The following EPS8L3 variants were observed in gnomAD, a reference collection of about 807,000 sequenced individuals.
The protein encoded by EPS8L3 is epidermal growth factor receptor kinase substrate 8-like protein 3.
Under a neutral mutation model 88.5 loss-of-function variants are expected in EPS8L3, and 80 were observed. The observed-to-expected ratio is 0.90, with a 90% CI of 0.75 to 1.09. EPS8L3 has a LOEUF of 1.09. Ranked by LOEUF, EPS8L3 falls within the 50% of genes least tolerant of loss-of-function variation. The probability of loss-of-function intolerance (pLI) is 0.00; values close to 1 mark genes in which losing one functional copy is unlikely to be tolerated. For synonymous variants in EPS8L3, 286 were observed against 291.0 expected (o/e 0.98, Z 0.18); for missense variants, 721 against 735.2 (o/e 0.98, Z 0.22).
chr1:109,756,853 G>A (rs918813208), intron 12 of EPS8L3, among the ~76,000 whole-genome samples, 164 bp downstream of exon 12: 1 of 152,112 alleles, frequency 6.6e-6, no homozygotes, highest in African/African-American at 2.4e-5. Flanking sequence ...ATAAACTGTT[G>A]GCACTTAGAC....
At chr1:109,761,200 A>C (rs553565390) in intron 3 of EPS8L3, 5 of 343,748 alleles carry the variant, frequency 1.5e-5, no homozygotes, top group African/African-American at 1.0e-4. Flanking sequence ...GGGTGGTTGT[A>C]GGTGCTTCTT....
At position 109,759,958 on chromosome 1, in the gene EPS8L3, G is replaced by A. The variant is rs1650737541; in HGVS notation, c.97-122C>T. 4 of 1,087,266 alleles carry A rather than the reference G, an allele frequency of 3.7e-6. No homozygotes were observed. The South Asian group carries it at 6.3e-5, about 17-fold the overall frequency. The allele number at this position is 1,087,266 out of a possible 1,614,324, so 67.4% of individuals were successfully genotyped here. On this transcript the variant is annotated intron_variant, in intron 3 of 18. Coordinates refer to ENST00000361965, the MANE Select transcript of EPS8L3 (RefSeq NM_133181.4). The surrounding 1 kb of genome is among the most constrained non-coding windows in gnomAD (Gnocchi z 4.2). ...GTCCTCGGCCCCCTTGAGGTAGGAG[G>A]TTCCAGGCTTCAGATAAAGCAACTT...
intron 12 of EPS8L3, among the ~76,000 whole-genome samples, chr1:109,755,798 G>A (rs768899295): frequency 2.6e-5 from 4 of 152,216 alleles, no homozygotes; most frequent in Non-Finnish European, 5.9e-5. Context: ...TCCAGACTGA[G>A]TGACAGAGCG....
intron 3 of EPS8L3, chr1:109,761,129 G>T: frequency 4.6e-6 from 1 of 217,638 alleles, no homozygotes; most frequent in Non-Finnish European, 9.4e-6. Context: ...CTTGGGCAAT[G>T]GAGCAGTGCC....
chr1:109,754,160 C>T (rs1650063843), intron 12 of EPS8L3, among the ~76,000 whole-genome samples: 1 of 152,168 alleles, frequency 6.6e-6, no homozygotes, highest in South Asian at 2.1e-4. Flanking sequence ...TACCAAATTT[C>T]TTGAGAATGT....
rs1197661767 is a variant in EPS8L3, at chr1:109,757,852, C to T, written c.844G>A (p.Ala282Thr). The T allele has an allele frequency of 4.6e-5, 75 of 1,613,994 alleles. No homozygotes were observed. Among genetic ancestry groups the T allele is most frequent in the Non-Finnish European group, 6.4e-5 (75 of 1,179,996 alleles). ...KNKDQGGLTQAQYIDCFQKIK... is the reference protein window; with the variant it reads ...KNKDQGGLTQTQYIDCFQKIK... ...TTCTGGAAGCAGTCAATGTACTGTGCCTGGGTGAGACCTGGGAGAAGGGGC... is the reference window on the plus strand; with the variant it reads ...TTCTGGAAGCAGTCAATGTACTGTGTCTGGGTGAGACCTGGGAGAAGGGGC... Residue 282 changes from alanine (A) to threonine (T), a missense_variant, in exon 10 of 19, where the codon GCA becomes ACA. Physicochemically the swap from Ala to Thr is moderately conservative, Grantham distance 58 (BLOSUM62 0). Coordinates refer to ENST00000361965, the MANE Select transcript of EPS8L3 (RefSeq NM_133181.4).
chr1:109,753,339 T>C, intron 12 of EPS8L3, 141 bp from the exon 13 acceptor site: 1 of 639,918 alleles, frequency 1.6e-6, no homozygotes, highest in South Asian at 2.0e-5. Context: ...TGTGCACAGA[T>C]GAAAGGCCCC....
At chr1:109,751,512 C>T in intron 16 of EPS8L3, 142 bp downstream of exon 16, 1 of 1,394,690 alleles carries the variant, frequency 7.2e-7, no homozygotes, top group East Asian at 2.3e-5. Flanking sequence ...GCTCTGGCCC[C>T]ATGATAAAGT....
chr1:109,761,368 G>T, intron 3 of EPS8L3, 127 bp downstream of exon 3: 1 of 781,154 alleles, frequency 1.3e-6, no homozygotes, highest in Non-Finnish European at 2.1e-6. Context: ...ATGCGACATG[G>T]TTGGGACAGG....
At chr1:109,757,369 G>T in intron 11 of EPS8L3, 112 bp downstream of exon 11, 4 of 1,189,834 alleles carry the variant, frequency 3.4e-6, no homozygotes, top group South Asian at 1.4e-5. Context: ...AGCTCATCTG[G>T]TTCCACCCTG....
chr1:109,751,292 C>G lies in EPS8L3; in HGVS notation c.1623G>C (p.Glu541Asp). The part of the protein sequence containing the change: ...PEEVTDWLQA[E>D]NFSTATVRTL... ...CAGGCACTCACGCAGTGGAGAAGTTCTCTGCCTGCAGCCAGTCTGTGACCT... is the reference window on the plus strand; with the variant it reads ...CAGGCACTCACGCAGTGGAGAAGTTGTCTGCCTGCAGCCAGTCTGTGACCT... The change falls in exon 17 of 19, where the codon GAG (glutamate) becomes GAC (aspartate). Residue 541 changes from glutamate to aspartate, a missense_variant. Physicochemically the swap from Glu to Asp is conservative, Grantham distance 45. Coordinates refer to ENST00000361965, the MANE Select transcript of EPS8L3 (RefSeq NM_133181.4). 3 of 1,613,896 alleles carry G rather than the reference C, an allele frequency of 1.9e-6. No individual in the cohort carries two copies. The highest frequency in any genetic ancestry group is 2.5e-6 in the Non-Finnish European group (3 of 1,179,934).
At chr1:109,751,881 C>G (rs950449681) in intron 15 of EPS8L3, 99 bp from the exon 16 acceptor site, 22 of 1,577,756 alleles carry the variant, frequency 1.4e-5, no homozygotes, top group Non-Finnish European at 1.7e-5. Flanking sequence ...TACCCTCCTT[C>G]TCCCTCTCTA....
chr1:109,761,701 G>A lies in EPS8L3; in HGVS notation c.31+18C>T. ...GCTCAGTGGGAGGGCACGGGAGAGG[G>A]GCCTGCCAGGAGCTTACAGTAAATG... On this transcript the variant is annotated intron_variant, in intron 2 of 18. Transcript: ENST00000361965. 6.2e-7 allele frequency: 1 copy of A among 1,613,828 alleles called. No homozygotes were observed.
chr1:109,754,096 G>C (rs1417690797), intron 12 of EPS8L3, among the ~76,000 whole-genome samples: 1 of 152,000 alleles, frequency 6.6e-6, no homozygotes, highest in Non-Finnish European at 1.5e-5. Context: ...AAACATGCTT[G>C]GGTCTTGACC....
chr1:109,750,636 G>T (rs777786885), intron 18 of EPS8L3, 24 bp downstream of exon 18: 7 of 1,613,856 alleles, frequency 4.3e-6, no homozygotes, highest in Non-Finnish European at 5.9e-6. Flanking sequence ...CCCAATGGTT[G>T]TCAGGACCCC....
At chr1:109,752,607 A>G in intron 14 of EPS8L3, 79 bp downstream of exon 14, 1 of 1,329,562 alleles carries the variant, frequency 7.5e-7, no homozygotes, top group Non-Finnish European at 1.1e-6. Context: ...CTTAAGATGT[A>G]GAGAGCCAGA....
rs1650601860 is a variant in EPS8L3 at position 109,759,007 on chromosome 1, G to A, written c.461+55C>T. 3 of 1,524,364 alleles carry A rather than the reference G, an allele frequency of 2.0e-6. No individual in the cohort carries two copies. Among genetic ancestry groups the A allele is most frequent in the Non-Finnish European group, 2.7e-6 (3 of 1,120,410 alleles). The allele number at this position is 1,524,364 out of a possible 1,614,324, so 94.4% of individuals were successfully genotyped here. ...CCCCAAGATATGGGGTCAGGGTCTG[G>A]CCCCCGAGGCTGAGCTGGGAGGCCC... On this transcript the variant is annotated intron_variant, in intron 6 of 18. Transcript: ENST00000361965. The surrounding 1 kb of genome is among the most constrained non-coding windows in gnomAD (Gnocchi z 4.2).
At chr1:109,757,713 G>T (rs1278694587) in intron 10 of EPS8L3, 89 bp downstream of exon 10, 2 of 1,486,818 alleles carry the variant, frequency 1.3e-6, no homozygotes, top group South Asian at 1.1e-5. Context: ...GAAGAAAAAG[G>T]CTTGGGATGG....
chr1:109,759,930 C>T lies in EPS8L3; in HGVS notation c.97-94G>A, dbSNP rs1048174619. ...AGAGAAAAGCAGAAGAGGAAGAAGACGTGTCCTCGGCCCCCTTGAGGTAGG... is the reference window on the plus strand; with the variant it reads ...AGAGAAAAGCAGAAGAGGAAGAAGATGTGTCCTCGGCCCCCTTGAGGTAGG... On this transcript the variant is annotated intron_variant, in intron 3 of 18. Coordinates refer to ENST00000361965, the MANE Select transcript of EPS8L3 (RefSeq NM_133181.4). The surrounding 1 kb of genome is among the most constrained non-coding windows in gnomAD (Gnocchi z 4.2). 7 of 1,369,696 alleles carry T rather than the reference C, an allele frequency of 5.1e-6. No individual in the cohort carries two copies. Among genetic ancestry groups the T allele is most frequent in the Non-Finnish European group, 7.0e-6 (7 of 1,000,990 alleles). 84.8% of individuals were successfully genotyped at this position (1,369,696 alleles called of 1,614,324 possible). A position where few individuals can be genotyped will look rare whatever the true frequency, so the allele number is the denominator to read the frequency against.
Sources: allele counts gnomAD v4.1 joint callset (sites outside exome capture counted in the v4.1 genomes callset), GRCh38; gene constraint gnomAD v4.1.1; non-coding constraint Gnocchi (gnomAD v3.1); transcripts MANE v1.5; gene names NCBI Gene and HGNC (gene_info 2026-07-23, HGNC 2026-07-21).